The following ADAMTSL1 variants were observed in gnomAD, a reference collection of about 807,000 sequenced individuals.
ADAMTSL1 encodes ADAMTS-like protein 1.
ADAMTSL1 carries 126 observed loss-of-function variants against 201.8 expected under a neutral mutation model. That is an observed-to-expected ratio of 0.62 (90% CI 0.54 to 0.72). The LOEUF (loss-of-function observed/expected upper bound fraction) is 0.72, where lower values mean the gene tolerates loss of function less well. ADAMTSL1 is among the 30% of genes least tolerant of loss of function. The pLI is 0.00. For missense variants in ADAMTSL1, 2,679 were observed against 2,277.8 expected (o/e 1.18, Z -3.59); for synonymous variants, 1,121 against 903.4 (o/e 1.24, Z -4.32).
At chr9:18,842,574 T>G (rs1196391660) in intron 23 of ADAMTSL1, among the ~76,000 whole-genome samples, 1 of 152,220 alleles carries the variant, frequency 6.6e-6, no homozygotes, top group Admixed American at 6.5e-5. Flanking sequence ...CAGAGCTGAG[T>G]TCAATTCCTG....
At chr9:18,310,433 G>A (rs10963571) in intron 2 of ADAMTSL1, among the ~76,000 whole-genome samples, 12,776 of 129,450 alleles carry the variant, frequency 0.099, 730 homozygotes, top group East Asian at 0.24. Context: ...CCTATAGAAC[G>A]GGAGAAAAAT....
intron 4 of ADAMTSL1, among the ~76,000 whole-genome samples, chr9:18,602,044 A>G (rs1252488065): frequency 4.6e-5 from 7 of 152,156 alleles, no homozygotes; most frequent in East Asian, 1.9e-4. Flanking sequence ...ATTGTTAGCA[A>G]TTGTAAGCAG....
At chr9:17,976,401 A>T (rs906553113) in intron 1 of ADAMTSL1, among the ~76,000 whole-genome samples, 3 of 151,868 alleles carry the variant, frequency 2.0e-5, no homozygotes, top group Admixed American at 6.6e-5. Flanking sequence ...CAGTTTTTTT[A>T]AATCAGTATT....
chr9:18,237,066 G>C (rs910631688), intron 2 of ADAMTSL1, among the ~76,000 whole-genome samples: 3 of 152,138 alleles, frequency 2.0e-5, no homozygotes, highest in Non-Finnish European at 4.4e-5. Flanking sequence ...AACATTTTTT[G>C]TGTCTCCAAG....
At chr9:18,506,691 A>G (rs1817683420) in intron 2 of ADAMTSL1, among the ~76,000 whole-genome samples, 1 of 152,236 alleles carries the variant, frequency 6.6e-6, no homozygotes, top group Non-Finnish European at 1.5e-5. Flanking sequence ...CTACTTATAA[A>G]GTATTAGAAA....
intron 2 of ADAMTSL1, among the ~76,000 whole-genome samples, chr9:18,460,967 T>C (rs1820785900): frequency 6.6e-6 from 1 of 152,212 alleles, no homozygotes; most frequent in African/African-American, 2.4e-5. Context: ...GTGATAACAT[T>C]GGCCATTTAA....
At chr9:18,214,908 C>T (rs1232992897) in intron 2 of ADAMTSL1, among the ~76,000 whole-genome samples, 1 of 152,078 alleles carries the variant, frequency 6.6e-6, no homozygotes, top group African/African-American at 2.4e-5. Flanking sequence ...TAGACATTAT[C>T]TTCTGCCCAC....
At chr9:18,009,217 C>G (rs886705356) in intron 1 of ADAMTSL1, among the ~76,000 whole-genome samples, 40 of 152,116 alleles carry the variant, frequency 2.6e-4, no homozygotes, top group African/African-American at 8.9e-4. Flanking sequence ...TCCTCTTCTT[C>G]CCTTCATCTT....
chr9:18,465,434 A>G (rs933258855), intron 2 of ADAMTSL1, among the ~76,000 whole-genome samples: 1 of 152,182 alleles, frequency 6.6e-6, no homozygotes, highest in African/African-American at 2.4e-5. Flanking sequence ...TCTGGTGCAT[A>G]ATATCCACTT....
chr9:18,035,841 T>C (rs1189812843), intron 1 of ADAMTSL1, among the ~76,000 whole-genome samples: 1 of 152,180 alleles, frequency 6.6e-6, no homozygotes, highest in African/African-American at 2.4e-5. Context: ...AGTAATTATA[T>C]GTTGAATTAA....
intron 1 of ADAMTSL1, among the ~76,000 whole-genome samples, chr9:18,032,655 G>T (rs900879447): frequency 6.6e-6 from 1 of 152,178 alleles, no homozygotes; most frequent in African/African-American, 2.4e-5. Flanking sequence ...GTTCCGTTTT[G>T]CTGTAGCTGC....
At chr9:18,692,559 AAT>A (rs1224261655) in intron 13 of ADAMTSL1, among the ~76,000 whole-genome samples, 2 of 152,190 alleles carry the variant, frequency 1.3e-5, no homozygotes, top group Non-Finnish European at 2.9e-5. Context: ...TGTCACCACC[AAT>A]ATATGTTAAG....
intron 1 of ADAMTSL1, among the ~76,000 whole-genome samples, chr9:17,908,428 C>T (rs1018699607): frequency 1.3e-4 from 20 of 151,844 alleles, no homozygotes; most frequent in African/African-American, 4.8e-4. Context: ...GGGTTAAAAC[C>T]CAATGTGCAA....
chr9:18,013,685 G>A (rs1434748393), intron 1 of ADAMTSL1, among the ~76,000 whole-genome samples: 1 of 151,926 alleles, frequency 6.6e-6, no homozygotes, highest in Non-Finnish European at 1.5e-5. Flanking sequence ...AAAAATAACA[G>A]CACTTAGCCA....
At chr9:18,633,193 A>G (rs1826884846) in intron 5 of ADAMTSL1, among the ~76,000 whole-genome samples, 1 of 152,204 alleles carries the variant, frequency 6.6e-6, no homozygotes, top group African/African-American at 2.4e-5. Context: ...ACTGTGGGTA[A>G]ACAAAGACTT....
At chr9:18,096,595 A>G (rs763309146) in intron 1 of ADAMTSL1, among the ~76,000 whole-genome samples, 8 of 152,210 alleles carry the variant, frequency 5.3e-5, no homozygotes, top group Non-Finnish European at 5.9e-5. Context: ...TTCAGAATGG[A>G]CTCATAGGAG....
intron 2 of ADAMTSL1, among the ~76,000 whole-genome samples, chr9:18,398,604 G>A (rs970939668): frequency 5.3e-5 from 8 of 152,086 alleles, no homozygotes; most frequent in African/African-American, 1.7e-4. Flanking sequence ...TTGAAACCAT[G>A]TCTTTCACAA....
At chr9:18,011,446 C>G (rs1366122752) in intron 1 of ADAMTSL1, among the ~76,000 whole-genome samples, 1 of 151,972 alleles carries the variant, frequency 6.6e-6, no homozygotes, top group Non-Finnish European at 1.5e-5. Context: ...ATGTCACACA[C>G]TCATGCCTAG....
At chr9:18,318,908 C>T (rs368088833) in intron 2 of ADAMTSL1, among the ~76,000 whole-genome samples, 1 of 152,134 alleles carries the variant, frequency 6.6e-6, no homozygotes, top group Non-Finnish European at 1.5e-5. Context: ...ATTATTGATA[C>T]TTTACAAACA....
Sources: gnomAD v4.1 joint callset for allele counts (sites outside exome capture counted in the v4.1 genomes callset) on GRCh38, gnomAD v4.1.1 for gene constraint, MANE v1.5 for transcripts, NCBI Gene and HGNC (gene_info 2026-07-23, HGNC 2026-07-21) for gene names.